Variants in LRGUK observed in about 807,000 individuals in gnomAD.
LRGUK encodes leucine-rich repeat and guanylate kinase domain-containing protein.
In LRGUK, 65 loss-of-function variants were observed where a neutral mutation model predicts 76.0. The observed-to-expected ratio is 0.85, with a 90% CI of 0.70 to 1.05. The LOEUF (loss-of-function observed/expected upper bound fraction) is 1.05, where lower values mean the gene tolerates loss of function less well. Among genes scored for constraint, LRGUK ranks in the 50% least tolerant of loss-of-function variants. LRGUK has a pLI of 0.00. For missense variants in LRGUK, 758 were observed against 732.8 expected (o/e 1.03, Z -0.40); for synonymous variants, 268 against 265.6 (o/e 1.01, Z -0.09).
intron 4 of LRGUK, among the ~76,000 whole-genome samples, chr7:134,147,977 A>G (rs1345572660): frequency 6.7e-6 from 1 of 149,846 alleles, no homozygotes; most frequent in East Asian, 2.0e-4. Flanking sequence ...CAGGAGAATC[A>G]TTTGAATCCG....
At chr7:134,261,067 G>C (rs1802712660) in intron 19 of LRGUK, among the ~76,000 whole-genome samples, 2 of 152,118 alleles carry the variant, frequency 1.3e-5, no homozygotes, top group Non-Finnish European at 2.9e-5. Flanking sequence ...TATTTGACTG[G>C]TTCCAGAGTT....
chr7:134,260,828 T>G (rs1393326477), intron 19 of LRGUK, among the ~76,000 whole-genome samples: 1 of 152,152 alleles, frequency 6.6e-6, no homozygotes, highest in Non-Finnish European at 1.5e-5. Flanking sequence ...CTGAGTTAGA[T>G]GACACAGAGA....
intron 7 of LRGUK, among the ~76,000 whole-genome samples, chr7:134,173,447 G>T (rs1585489780): frequency 6.6e-6 from 1 of 152,090 alleles, no homozygotes; most frequent in East Asian, 1.9e-4. Flanking sequence ...AAAAAGTGAT[G>T]ATTAACTTTT....
Position 134,146,439 on chromosome 7 carries a change from A to G in LRGUK, c.589-1799A>G, listed in dbSNP as rs569617237. Among the ~76,000 whole-genome samples the G allele has an allele frequency of 2.0e-5, 3 of 152,188 alleles. No homozygotes were observed. In the South Asian group the frequency reaches 6.2e-4, roughly 32 times the overall value. On this transcript the variant is annotated intron_variant, in intron 4 of 15. Coordinates refer to ENST00000645682, the Ensembl canonical transcript of LRGUK. ...GCCCTATCATGATAAGCTTATTCCT[A>G]GTTTATTATTATTCTATAGAAGAAA...
At chr7:134,158,944 A>C (rs1052121116) in intron 6 of LRGUK, among the ~76,000 whole-genome samples, 1 of 152,194 alleles carries the variant, frequency 6.6e-6, no homozygotes, top group African/African-American at 2.4e-5. Context: ...CATTACATCT[A>C]TCATGGGGTC....
chr7:134,176,828 G>C, intron 8 of LRGUK, 149 bp from the exon 9 acceptor site: 1 of 533,094 alleles, frequency 1.9e-6, no homozygotes, highest in South Asian at 2.6e-5. Flanking sequence ...AAGGGGACTG[G>C]GAAGCGTGAA....
At chr7:134,261,104 T>C (rs1038179977) in intron 19 of LRGUK, among the ~76,000 whole-genome samples, 1 of 152,166 alleles carries the variant, frequency 6.6e-6, no homozygotes, top group African/African-American at 2.4e-5. Context: ...AGCCAGTCTG[T>C]AGTTGTTTAT....
At chr7:134,171,027 T>C (rs1243202370) in intron 7 of LRGUK, among the ~76,000 whole-genome samples, 1 of 152,190 alleles carries the variant, frequency 6.6e-6, no homozygotes, top group Admixed American at 6.5e-5. Flanking sequence ...AAGATTCTAC[T>C]AAGATACAGA....
chr7:134,239,787 G>T (rs1287265796), intron 16 of LRGUK, among the ~76,000 whole-genome samples: 2 of 152,216 alleles, frequency 1.3e-5, no homozygotes, highest in African/African-American at 4.8e-5. Flanking sequence ...AGCCTAACTG[G>T]GAGGCACCTC....
intron 7 of LRGUK, among the ~76,000 whole-genome samples, chr7:134,171,438 A>G (rs960600180): frequency 2.0e-5 from 3 of 151,616 alleles, no homozygotes; most frequent in Non-Finnish European, 4.4e-5. Flanking sequence ...GTACTTATAT[A>G]TTTTTATATA....
chr7:134,128,237 A>C (rs1797110690), intron 1 of LRGUK, among the ~76,000 whole-genome samples: 1 of 152,222 alleles, frequency 6.6e-6, no homozygotes, highest in Non-Finnish European at 1.5e-5. Flanking sequence ...ACACCAGAAA[A>C]GAGCCTTATA....
chr7:134,200,896 TG>T (rs139392836), intron 14 of LRGUK, among the ~76,000 whole-genome samples: 3,107 of 152,294 alleles, frequency 0.02, 102 homozygotes, highest in African/African-American at 0.066. Context: ...CTGAAGGCTC[TG>T]GGGATAAGTC....
chr7:134,138,358 C>A (rs1213799619), intron 2 of LRGUK, among the ~76,000 whole-genome samples: 1 of 152,172 alleles, frequency 6.6e-6, no homozygotes, highest in Admixed American at 6.5e-5. Flanking sequence ...GACTTAATAA[C>A]CTGTCTTACT....
chr7:134,247,753 C>A, intron 17 of LRGUK, 109 bp downstream of exon 17: 1 of 739,848 alleles, frequency 1.4e-6, no homozygotes, highest in Non-Finnish European at 2.2e-6. Flanking sequence ...TAAAATGGAC[C>A]CAGTGTTTCA....
At chr7:134,194,903 A>G (rs1800416315) in intron 12 of LRGUK, among the ~76,000 whole-genome samples, 3 of 152,142 alleles carry the variant, frequency 2.0e-5, no homozygotes. Flanking sequence ...TGCAATAGAG[A>G]AAGAATAATT....
chr7:134,273,456 T>C, the LRGUK span, among the ~76,000 whole-genome samples: 3 of 151,888 alleles, frequency 2.0e-5, no homozygotes, highest in Non-Finnish European at 4.4e-5. Context: ...AAGCCCACTA[T>C]CCATCCCAAG....
chr7:134,239,967 G>A (rs1156998651), intron 16 of LRGUK, among the ~76,000 whole-genome samples: 1 of 152,184 alleles, frequency 6.6e-6, no homozygotes, highest in African/African-American at 2.4e-5. Flanking sequence ...AGCAAACTCT[G>A]ACAGACCTGC....
At chr7:134,263,894 A>G (rs1225341887) in exon 20 of LRGUK, 2 of 1,612,296 alleles carry the variant, frequency 1.2e-6, no homozygotes, top group Non-Finnish European at 1.7e-6. Context: ...ACCAACACAG[A>G]CAACACTCGG....
Position 134,149,330 on chromosome 7 carries a change from A to G in LRGUK, c.670+1011A>G, listed in dbSNP as rs146960711. Among the ~76,000 whole-genome samples the G allele has an allele frequency of 5.9e-5, 9 of 152,238 alleles. No homozygotes were observed. In the East Asian group the frequency reaches 1.5e-3, roughly 26 times the overall value. On this transcript the variant is annotated intron_variant, in intron 5 of 15. Coordinates refer to ENST00000645682, the Ensembl canonical transcript of LRGUK. Reference sequence around the variant, plus strand: ...GGGGAGCCAGTACCTTCTTTTTCTCAGTAAGTATCTTTCTAGTCACCTGAG... The same window carrying G: ...GGGGAGCCAGTACCTTCTTTTTCTCGGTAAGTATCTTTCTAGTCACCTGAG...
Sources: allele counts gnomAD v4.1 joint callset (sites outside exome capture counted in the v4.1 genomes callset), GRCh38; gene constraint gnomAD v4.1.1; transcripts MANE v1.5; gene names NCBI Gene and HGNC (gene_info 2026-07-23, HGNC 2026-07-21).